Variants in PRIMPOL observed in about 807,000 individuals in gnomAD.
PRIMPOL encodes primase and DNA directed polymerase.
PRIMPOL carries 54 observed loss-of-function variants against 63.6 expected under a neutral mutation model. The ratio of observed to expected loss-of-function variants is 0.85; its 90% CI spans 0.68 to 1.07. The LOEUF is 1.07. Among genes scored for constraint, PRIMPOL ranks in the 50% least tolerant of loss-of-function variants. The probability of loss-of-function intolerance (pLI) is 0.00; values close to 1 mark genes in which losing one functional copy is unlikely to be tolerated. For missense variants in PRIMPOL, 610 were observed against 648.3 expected (o/e 0.94, Z 0.64); for synonymous variants, 197 against 220.2 (o/e 0.89, Z 0.93).
chr4:184,692,421 C>T (rs1359207235), intron 13 of PRIMPOL, among the ~76,000 whole-genome samples: 1 of 135,870 alleles, frequency 7.4e-6, no homozygotes, highest in East Asian at 2.6e-4. Context: ...TTGCAGTGAG[C>T]TGATATCACG....
chr4:184,692,973 C>T (rs982835652), intron 13 of PRIMPOL, among the ~76,000 whole-genome samples: 2 of 152,064 alleles, frequency 1.3e-5, no homozygotes, highest in African/African-American at 4.8e-5. Flanking sequence ...CTGTTTTTGA[C>T]GTATTTCACT....
At chr4:184,685,324 G>C in intron 9 of PRIMPOL, 85 bp from the exon 10 acceptor site, 2 of 996,808 alleles carry the variant, frequency 2.0e-6, no homozygotes, top group Non-Finnish European at 3.2e-6. Flanking sequence ...TGCAAAACCC[G>C]TAATTGTGCT....
At chr4:184,683,188 T>C (rs1396823701) in intron 9 of PRIMPOL, among the ~76,000 whole-genome samples, 1 of 152,190 alleles carries the variant, frequency 6.6e-6, no homozygotes, top group African/African-American at 2.4e-5. Context: ...CCCAGCACTT[T>C]GGGAGGCTGA....
chr4:184,655,417 G>A (rs1158825959), intron 2 of PRIMPOL, among the ~76,000 whole-genome samples: 1 of 150,332 alleles, frequency 6.7e-6, no homozygotes, highest in Non-Finnish European at 1.5e-5. Flanking sequence ...TCCACTCCTG[G>A]TTCAAACTAT....
intron 9 of PRIMPOL, among the ~76,000 whole-genome samples, chr4:184,682,766 C>T (rs546817725): frequency 6.6e-6 from 1 of 152,156 alleles, no homozygotes; most frequent in Non-Finnish European, 1.5e-5. Flanking sequence ...AAAACTACCT[C>T]TAGCCAAGCA....
chr4:184,678,923 C>G (rs1185335611), intron 8 of PRIMPOL, among the ~76,000 whole-genome samples: 2 of 152,014 alleles, frequency 1.3e-5, no homozygotes, highest in African/African-American at 4.8e-5. Context: ...CTCTATATAT[C>G]TTTTTAGGAT....
chr4:184,668,994 C>T (rs1482627955), intron 6 of PRIMPOL, among the ~76,000 whole-genome samples: 2 of 152,154 alleles, frequency 1.3e-5, no homozygotes, highest in African/African-American at 2.4e-5. Context: ...TCATGGGCCA[C>T]ATTTTCTGTA....
chr4:184,662,910 C>A (rs9995261), intron 5 of PRIMPOL, among the ~76,000 whole-genome samples: 4,612 of 150,322 alleles, frequency 0.031, 246 homozygotes, highest in African/African-American at 0.11. Context: ...CCACCACCCC[C>A]AAAAAAAACC....
chr4:184,673,319 C>T (rs1468219008), intron 7 of PRIMPOL, among the ~76,000 whole-genome samples: 4 of 151,412 alleles, frequency 2.6e-5, no homozygotes, highest in Non-Finnish European at 4.4e-5. Context: ...TTAGTAGAGA[C>T]GGGGTTTCAC....
intron 4 of PRIMPOL, among the ~76,000 whole-genome samples, chr4:184,661,004 T>C (rs1748172710): frequency 6.6e-6 from 1 of 152,220 alleles, no homozygotes; most frequent in South Asian, 2.1e-4. Flanking sequence ...AGTCAGGTGA[T>C]TCAGAATTTT....
chr4:184,671,538 A>G (rs902034357), intron 6 of PRIMPOL, among the ~76,000 whole-genome samples: 40 of 152,104 alleles, frequency 2.6e-4, no homozygotes, highest in African/African-American at 9.2e-4. Context: ...GTATGTATTA[A>G]TAAGTAGTGT....
At chr4:184,682,001 ATT>A (rs753248025) in intron 8 of PRIMPOL, among the ~76,000 whole-genome samples, 2 of 152,218 alleles carry the variant, frequency 1.3e-5, no homozygotes, top group South Asian at 2.1e-4. Flanking sequence ...TAAGGATAGT[ATT>A]ATAAGTAATC....
At chr4:184,678,086 A>T in intron 7 of PRIMPOL, 146 bp from the exon 8 acceptor site, 1 of 441,222 alleles carries the variant, frequency 2.3e-6, no homozygotes, top group Non-Finnish European at 3.9e-6. Context: ...TTTAATTTAT[A>T]TAGTGCTTTA....
chr4:184,689,387 A>G (rs1757854401), intron 11 of PRIMPOL, among the ~76,000 whole-genome samples: 1 of 150,194 alleles, frequency 6.7e-6, no homozygotes, highest in South Asian at 2.1e-4. Flanking sequence ...AAACCCTGGA[A>G]TCAGATTAGA....
Position 184,681,919 on chromosome 4 carries a change from T to A in PRIMPOL, c.1008-329T>A, listed in dbSNP as rs78430201. 6.7e-3 allele frequency among the ~76,000 whole-genome samples: 1,018 copies of A among 152,330 alleles called. 13 individuals are homozygous for A. Among genetic ancestry groups the A allele is most frequent in the South Asian group, 0.039 (187 of 4,830 alleles). On this transcript the variant is annotated intron_variant, in intron 8 of 13. Coordinates refer to ENST00000314970, the MANE Select transcript of PRIMPOL (RefSeq NM_152683.4). ...AAACATACTTTTGATCTGCTGTTGGTTGAATCTGCAGATAAGAAACCATGG... is the reference window on the plus strand; with the variant it reads ...AAACATACTTTTGATCTGCTGTTGGATGAATCTGCAGATAAGAAACCATGG...
intron 5 of PRIMPOL, among the ~76,000 whole-genome samples, chr4:184,664,582 A>T (rs1388907051): frequency 1.3e-5 from 2 of 152,216 alleles, no homozygotes; most frequent in Non-Finnish European, 2.9e-5. Flanking sequence ...TAGTCAGTAC[A>T]AATGGAGAAG....
intron 13 of PRIMPOL, chr4:184,694,159 G>A (rs1021878710): frequency 1.1e-6 from 1 of 924,226 alleles, no homozygotes; most frequent in Non-Finnish European, 1.3e-6. Context: ...TAAAGCATGG[G>A]TACTAAGTCC....
At chr4:184,650,721 A>G (rs1245955117) in intron 1 of PRIMPOL, among the ~76,000 whole-genome samples, 1 of 152,248 alleles carries the variant, frequency 6.6e-6, no homozygotes, top group Non-Finnish European at 1.5e-5. Context: ...TGAGCACGAC[A>G]TTCTGCATCA....
chr4:184,674,869 C>T (rs1409867814), intron 7 of PRIMPOL, among the ~76,000 whole-genome samples: 1 of 152,204 alleles, frequency 6.6e-6, no homozygotes, highest in Non-Finnish European at 1.5e-5. Flanking sequence ...ACAACAGCAG[C>T]TGAAACCTCA....
Sources: allele counts gnomAD v4.1 joint callset (sites outside exome capture counted in the v4.1 genomes callset), GRCh38; gene constraint gnomAD v4.1.1; transcripts MANE v1.5; gene names NCBI Gene and HGNC (gene_info 2026-07-23, HGNC 2026-07-21).